TRAPPC9: variants seen among roughly 807,000 people sequenced by gnomAD.
TRAPPC9 encodes the protein trafficking protein particle complex subunit 9.
TRAPPC9 carries 83 observed loss-of-function variants against 124.0 expected under a neutral mutation model. The observed-to-expected ratio is 0.67, with a 90% CI of 0.56 to 0.80. The LOEUF (loss-of-function observed/expected upper bound fraction) is 0.80, where lower values mean the gene tolerates loss of function less well. Ranked by LOEUF, TRAPPC9 falls within the 30% of genes least tolerant of loss-of-function variation. The pLI, the probability that TRAPPC9 is intolerant of heterozygous loss-of-function variation, is 0.00. For missense variants in TRAPPC9, 1,302 were observed against 1,508.3 expected, an observed-to-expected ratio of 0.86 and a Z score of 2.27; for synonymous variants, 638 against 617.5, an observed-to-expected ratio of 1.03 and a Z score of -0.49.
At chr8:139,781,730 G>C (rs759294781) in intron 21 of TRAPPC9, among the ~76,000 whole-genome samples, 5 of 152,172 alleles carry the variant, frequency 3.3e-5, no homozygotes, top group Non-Finnish European at 5.9e-5. Flanking sequence ...GTGTGTGCCT[G>C]TGTGTGCGGT....
chr8:140,369,950 C>G (rs2068229842), intron 8 of TRAPPC9, among the ~76,000 whole-genome samples: 1 of 151,798 alleles, frequency 6.6e-6, no homozygotes, highest in Admixed American at 6.6e-5. Flanking sequence ...GAAACTCTGT[C>G]TCAGGAAAAA....
At position 139,753,398 on chromosome 8, in the gene TRAPPC9, A is replaced by G. The variant is rs575868857; in HGVS notation, c.3056-21196T>C. ...TACCCATCCATCCATCCACCCATCT[A>G]TCCATCCCTCATCTTTCCATCTATC... On this transcript the variant is annotated intron_variant, in intron 21 of 22. Transcript: ENST00000438773. 6.4e-3 allele frequency among the ~76,000 whole-genome samples: 967 copies of G among 152,118 alleles called. 5 individuals are homozygous for G. The highest frequency in any genetic ancestry group is 0.01 in the Non-Finnish European group (698 of 67,974).
At chr8:139,896,758 C>T (rs1830692977) in intron 20 of TRAPPC9, among the ~76,000 whole-genome samples, 1 of 152,242 alleles carries the variant, frequency 6.6e-6, no homozygotes, top group Non-Finnish European at 1.5e-5. Context: ...CTGCAGTTGG[C>T]CAGCAGTTGG....
intron 5 of TRAPPC9, among the ~76,000 whole-genome samples, chr8:140,424,859 AG>A (rs1363681741): frequency 1.3e-5 from 2 of 152,170 alleles, no homozygotes; most frequent in African/African-American, 4.8e-5. Flanking sequence ...GAAAGCGGGT[AG>A]GAAAAAAATT....
chr8:139,734,060 G>A (rs1239845324), intron 21 of TRAPPC9, among the ~76,000 whole-genome samples: 2 of 152,232 alleles, frequency 1.3e-5, no homozygotes, highest in Non-Finnish European at 2.9e-5. Flanking sequence ...GGGGCAGAGG[G>A]GACAGGATAT....
At chr8:140,260,672 C>T (rs947479553) in intron 15 of TRAPPC9, among the ~76,000 whole-genome samples, 7 of 152,188 alleles carry the variant, frequency 4.6e-5, no homozygotes, top group African/African-American at 1.7e-4. Context: ...TCTATTAAGT[C>T]CTATCTTCTG....
At chr8:139,787,390 C>T (rs551278808) in intron 21 of TRAPPC9, among the ~76,000 whole-genome samples, 122 of 152,192 alleles carry the variant, frequency 8.0e-4, no homozygotes, top group Non-Finnish European at 1.3e-3. Flanking sequence ...GGGTTGCTGT[C>T]GCCACCCTTT....
At position 139,988,760 on chromosome 8, in the gene TRAPPC9, C is replaced by T. The variant is rs762550378; in HGVS notation, c.2776G>A (p.Glu926Lys). The change falls in exon 19 of 23, where the codon GAG (glutamate) becomes AAG (lysine). Residue 926 changes from glutamate to lysine, a missense_variant. Glu to Lys is a moderately conservative substitution (Grantham distance 56, BLOSUM62 1). Around this residue, in one of 3 missense-constraint regions of TRAPPC9, gnomAD observed 640 missense variants for 679.3 expected, o/e 0.94. Transcript: ENST00000438773. ...HELTVSTRSS[E>K]ALILHAGECQ... is the part of the protein sequence containing the mutation. ...TCACCGGCGTGCAGGATGAGTGCCT[C>T]GCTGCTCCTGGTGCTGACGGTCAGC... 2.6e-5 allele frequency: 41 copies of T among 1,551,112 alleles called. No individual in the cohort carries two copies. In the East Asian group the frequency reaches 2.9e-4, roughly 11 times the overall value.
At chr8:139,815,210 G>T (rs58746205) in intron 21 of TRAPPC9, among the ~76,000 whole-genome samples, 22,490 of 152,100 alleles carry the variant, frequency 0.15, 1,710 homozygotes, top group Admixed American at 0.2. Flanking sequence ...TCAGTCCGGA[G>T]AAGCTCCCAT....
At position 140,409,588 on chromosome 8, in the gene TRAPPC9, C is replaced by T. The variant is rs115775008; in HGVS notation, c.887-3890G>A. Among the ~76,000 whole-genome samples the T allele has an allele frequency of 4.0e-3, 603 of 152,162 alleles. 4 individuals carry two copies. The highest frequency in any genetic ancestry group is 0.014 in the African/African-American group (574 of 41,490). On this transcript the variant is annotated intron_variant, in intron 5 of 22. Transcript: ENST00000438773. ...TGCAGAAGAGTGGTGAAATAAAACC[C>T]GGTACCTGCACACTTAGTGTGCCAC...
chr8:140,053,500 G>A (rs1391811171), intron 17 of TRAPPC9, among the ~76,000 whole-genome samples: 1 of 152,208 alleles, frequency 6.6e-6, no homozygotes, highest in Non-Finnish European at 1.5e-5. Flanking sequence ...CCTGGAAAAT[G>A]TTCTGTCTGC....
chr8:140,007,487 T>C (rs1345162772), intron 18 of TRAPPC9, among the ~76,000 whole-genome samples: 1 of 152,218 alleles, frequency 6.6e-6, no homozygotes, highest in Non-Finnish European at 1.5e-5. Flanking sequence ...AATAACAACC[T>C]GAAATCATGT....
intron 17 of TRAPPC9, among the ~76,000 whole-genome samples, chr8:140,130,373 T>G (rs1052735736): frequency 1.3e-5 from 2 of 152,168 alleles, no homozygotes; most frequent in African/African-American, 2.4e-5. Flanking sequence ...CTGTCAGAAC[T>G]GGGATGAACC....
At chr8:140,138,237 G>A (rs1047726557) in intron 17 of TRAPPC9, among the ~76,000 whole-genome samples, 4 of 152,198 alleles carry the variant, frequency 2.6e-5, no homozygotes, top group African/African-American at 9.7e-5. Context: ...GGGAGGCGGA[G>A]GTTGCAGTGA....
chr8:139,892,353 C>T (rs1390556868), intron 20 of TRAPPC9, among the ~76,000 whole-genome samples: 1 of 152,216 alleles, frequency 6.6e-6, no homozygotes, highest in Non-Finnish European at 1.5e-5. Context: ...ACTCCAGCTG[C>T]CTCTCTCTGG....
chr8:140,031,884 G>T (rs1417129856), intron 17 of TRAPPC9, among the ~76,000 whole-genome samples: 1 of 152,264 alleles, frequency 6.6e-6, no homozygotes, highest in African/African-American at 2.4e-5. Context: ...TCCAAAGGAG[G>T]GGGTATGTCT....
At chr8:140,057,305 C>A (rs1179256970) in intron 17 of TRAPPC9, among the ~76,000 whole-genome samples, 3 of 152,296 alleles carry the variant, frequency 2.0e-5, no homozygotes, top group Non-Finnish European at 2.9e-5. Context: ...AGAAATAGAA[C>A]TACTAAATGA....
At chr8:140,294,580 C>T (rs373474051) in intron 11 of TRAPPC9, among the ~76,000 whole-genome samples, 12 of 151,970 alleles carry the variant, frequency 7.9e-5, no homozygotes, top group African/African-American at 2.9e-4. Context: ...CTAAAATAAA[C>T]TGTTGATTAC....
At chr8:139,959,550 A>G (rs1234194583) in intron 19 of TRAPPC9, among the ~76,000 whole-genome samples, 1 of 152,170 alleles carries the variant, frequency 6.6e-6, no homozygotes, top group Non-Finnish European at 1.5e-5. Flanking sequence ...CTTAAGGAAG[A>G]GCACTGCCAG....
Sources: gnomAD v4.1 joint callset for allele counts (sites outside exome capture counted in the v4.1 genomes callset) on GRCh38, gnomAD v4.1.1 for gene constraint, gnomAD v4.1.1 regional missense constraint, MANE v1.5 for transcripts, NCBI Gene and HGNC (gene_info 2026-07-23, HGNC 2026-07-21) for gene names.